Variants in VPS37A observed in about 807,000 individuals in gnomAD.
The protein encoded by VPS37A is vacuolar protein sorting-associated protein 37A.
VPS37A carries 30 observed loss-of-function variants against 49.8 expected under a neutral mutation model. The observed-to-expected ratio is 0.60, with a 90% confidence interval of 0.45 to 0.82. The LOEUF is 0.82. VPS37A is among the 40% of genes least tolerant of loss of function. The probability of loss-of-function intolerance (pLI) is 0.00; values close to 1 mark genes in which losing one functional copy is unlikely to be tolerated. For missense variants in VPS37A, 593 were observed against 464.4 expected (o/e 1.28, Z -2.55); for synonymous variants, 195 against 160.6 (o/e 1.21, Z -1.62).
intron 6 of VPS37A, among the ~76,000 whole-genome samples, chr8:17,276,741 C>G (rs1201864509): frequency 6.6e-6 from 1 of 152,012 alleles, no homozygotes. Flanking sequence ...GGCCTGCATT[C>G]TTTGAAAAAT....
chr8:17,319,848 T>C, the VPS37A span, among the ~76,000 whole-genome samples: 1 of 152,162 alleles, frequency 6.6e-6, no homozygotes, highest in African/African-American at 2.4e-5. Context: ...CCAATCTTGG[T>C]TCCCAAATAC....
downstream of VPS37A, chr8:17,299,753 G>C: frequency 2.7e-6 from 4 of 1,467,160 alleles, no homozygotes; most frequent in Non-Finnish European, 3.7e-6. Context: ...CATTAAAGTA[G>C]TTCTCAATGA....
chr8:17,302,321 A>C (rs758066526), downstream of VPS37A: 2 of 1,575,982 alleles, frequency 1.3e-6, no homozygotes, highest in African/African-American at 1.4e-5. Context: ...ACCTTATCAC[A>C]GTCTGAAAAT....
At chr8:17,281,379 CTG>C (rs1464324006) in intron 9 of VPS37A, among the ~76,000 whole-genome samples, 1 of 152,024 alleles carries the variant, frequency 6.6e-6, no homozygotes, top group African/African-American at 2.4e-5. Context: ...CACAGAAAAT[CTG>C]TGAGACTCAA....
chr8:17,325,103 C>T, the VPS37A span, among the ~76,000 whole-genome samples: 2 of 152,038 alleles, frequency 1.3e-5, no homozygotes, highest in Non-Finnish European at 2.9e-5. Flanking sequence ...AAGAATGTGT[C>T]GAGCAAAAGG....
chr8:17,277,109 T>G (rs1390098277), intron 6 of VPS37A, among the ~76,000 whole-genome samples: 2 of 152,092 alleles, frequency 1.3e-5, no homozygotes, highest in African/African-American at 4.8e-5. Flanking sequence ...TTCTTTATTT[T>G]TTTGCAGTCC....
At chr8:17,280,591 G>C (rs1814964776) in intron 9 of VPS37A, 148 bp downstream of exon 9, 2 of 681,470 alleles carry the variant, frequency 2.9e-6, no homozygotes, top group Admixed American at 7.1e-5. Flanking sequence ...TGGATGAACA[G>C]CTCTCAGTGA....
At chr8:17,308,002 C>T in the VPS37A span, among the ~76,000 whole-genome samples, 4 of 151,306 alleles carry the variant, frequency 2.6e-5, no homozygotes, top group African/African-American at 7.3e-5. Context: ...CAAACCTGCA[C>T]GTTGTGCACA....
At chr8:17,311,049 G>A in the VPS37A span, among the ~76,000 whole-genome samples, 4 of 152,124 alleles carry the variant, frequency 2.6e-5, no homozygotes, top group South Asian at 2.1e-4. Context: ...TCATCCAGGG[G>A]TGTGAAGGAC....
intron 4 of VPS37A, among the ~76,000 whole-genome samples, chr8:17,269,768 A>G (rs1167307877): frequency 6.6e-6 from 1 of 152,054 alleles, no homozygotes; most frequent in East Asian, 1.9e-4. Flanking sequence ...TTCTCAGGCC[A>G]TTTCCTAGTT....
downstream of VPS37A, among the ~76,000 whole-genome samples, chr8:17,306,713 G>C (rs983034220): frequency 6.6e-6 from 1 of 152,166 alleles, no homozygotes; most frequent in Non-Finnish European, 1.5e-5. Context: ...GAAGAGGAAT[G>C]AGCAATGATC....
chr8:17,247,677 G>A lies in VPS37A; in HGVS notation c.125+308G>A, dbSNP rs1811427110. 3 of 703,114 alleles carry A rather than the reference G, an allele frequency of 4.3e-6. No homozygotes were observed. The South Asian group carries it at 4.4e-5, about 10-fold the overall frequency. The allele number at this position is 703,114 out of a possible 1,614,324, so 43.6% of individuals were successfully genotyped here. On this transcript the variant is annotated intron_variant, in intron 1 of 11. Transcript: ENST00000324849. ...TAGTCTATTTCCAGTATCCCTTGCT[G>A]CCCAGGCTTCGCCACTGATCTTTCC...
chr8:17,275,075 G>A lies in VPS37A; in HGVS notation c.642+117G>A. 1.8e-5 allele frequency: 17 copies of A among 964,984 alleles called. No individual in the cohort carries two copies. The South Asian group carries it at 2.8e-4, about 16-fold the overall frequency. 59.8% of individuals were successfully genotyped at this position (964,984 alleles called of 1,614,324 possible). ...AGTTAGACACAAAATATGAAAAGAT[G>A]AACTCACATTTTTCAATTCAAGTAA... On this transcript the variant is annotated intron_variant, in intron 5 of 11. Transcript: ENST00000324849.
chr8:17,298,289 G>A (rs1171355490), downstream of VPS37A: 1 of 151,876 alleles, frequency 6.6e-6, no homozygotes, highest in Non-Finnish European at 1.5e-5. Context: ...ACTTAATTTG[G>A]GAACTGCTCA....
At chr8:17,279,377 C>G (rs1156447349) in intron 6 of VPS37A, among the ~76,000 whole-genome samples, 1 of 152,098 alleles carries the variant, frequency 6.6e-6, no homozygotes, top group Non-Finnish European at 1.5e-5. Flanking sequence ...CTGTTTCCCT[C>G]TTATCAATAC....
At chr8:17,329,165 C>T in the VPS37A span, among the ~76,000 whole-genome samples, 103 of 152,156 alleles carry the variant, frequency 6.8e-4, no homozygotes, top group Admixed American at 1.2e-3. Flanking sequence ...ACCAAGTGAC[C>T]AGTAGTATGA....
downstream of VPS37A, among the ~76,000 whole-genome samples, chr8:17,303,357 GA>G (rs1008600752): frequency 1.3e-5 from 2 of 151,762 alleles, no homozygotes; most frequent in Admixed American, 6.6e-5. Flanking sequence ...AAATAATTAA[GA>G]AAAAAAACCT....
At chr8:17,302,809 T>TTCAAGC (rs1817215908), downstream of VPS37A, among the ~76,000 whole-genome samples, 1 of 142,852 alleles carries the variant, frequency 7.0e-6, no homozygotes, top group Admixed American at 7.5e-5. Flanking sequence ...ACCTCCCGGG[T>TTCAAGC]TCAAGCGATT....
chr8:17,327,189 T>C, the VPS37A span, among the ~76,000 whole-genome samples: 1 of 152,224 alleles, frequency 6.6e-6, no homozygotes, highest in Non-Finnish European at 1.5e-5. Flanking sequence ...AATTAATCAG[T>C]CTACTACTGT....
Sources: gnomAD v4.1 joint callset for allele counts (sites outside exome capture counted in the v4.1 genomes callset) on GRCh38, gnomAD v4.1.1 for gene constraint, MANE v1.5 for transcripts, NCBI Gene and HGNC (gene_info 2026-07-23, HGNC 2026-07-21) for gene names.